The following RREB1 variants were observed in gnomAD, a reference collection of about 807,000 sequenced individuals.
The protein encoded by RREB1 is ras responsive element binding protein 1.
A neutral mutation model predicts 117.8 loss-of-function variants in RREB1; 27 were observed. That is an observed-to-expected ratio of 0.23 (90% CI 0.17 to 0.32). The LOEUF (loss-of-function observed/expected upper bound fraction) is 0.32. Among genes scored for constraint, RREB1 ranks in the 10% least tolerant of loss-of-function variants. The pLI is 1.00. For missense variants in RREB1, 2,577 were observed against 2,378.2 expected, an observed-to-expected ratio of 1.08 and a Z score of -1.74; for synonymous variants, 1,298 against 1,026.7, an observed-to-expected ratio of 1.26 and a Z score of -5.05.
intron 9 of RREB1, among the ~76,000 whole-genome samples, chr6:7,227,509 C>T (rs1267240969): frequency 6.6e-6 from 1 of 151,744 alleles, no homozygotes; most frequent in Non-Finnish European, 1.5e-5. Context: ...CCACTGCACT[C>T]CAGCCTGGGC....
At chr6:7,200,264 G>A (rs1765887797) in intron 6 of RREB1, among the ~76,000 whole-genome samples, 8 of 135,686 alleles carry the variant, frequency 5.9e-5, no homozygotes, top group Admixed American at 2.8e-4. Context: ...GTGTGTGTGT[G>A]TGTGTGTGTG....
In RREB1 at chr6:7,247,016, C is replaced by T. The variant is rs771251067; in HGVS notation, c.4566C>T (p.Leu1522=). 3 of 1,608,754 alleles carry T rather than the reference C, an allele frequency of 1.9e-6. No individual in the cohort carries two copies. Among genetic ancestry groups the T allele is most frequent in the East Asian group, 2.2e-5 (1 of 44,612 alleles). ...PGAGEAPAEK[L]AEETEGPSDG... is the part of the protein sequence containing the mutation. The stretch of plus-strand genomic sequence containing the variant: ...CCGGGGAGGCCCCGGCGGAAAAGCT[C>T]GCGGAGGAGACGGAGGGCCCCTCCG... The change falls in exon 12 of 13, where the codon CTC becomes CTT. Residue 1522 remains leucine (L), a synonymous_variant. Coordinates refer to ENST00000379938, the MANE Select transcript of RREB1 (RefSeq NM_001003699.4).
rs1769302596 is a variant in RREB1 at position 7,249,163 on chromosome 6, G to A, written c.*195G>A. ...AGCCTTACCGCAGCCTGCGCGGGAG[G>A]CCACAGCCCGTGCCGATTCCAGTGC... On this transcript the variant is annotated 3_prime_UTR_variant, in exon 13 of 13. Transcript: ENST00000379938. 3 of 529,352 alleles carry A rather than the reference G, an allele frequency of 5.7e-6. No individual in the cohort carries two copies. The highest frequency in any genetic ancestry group is 6.8e-5 in the South Asian group (2 of 29,278). 32.8% of individuals were successfully genotyped at this position (529,352 alleles called of 1,614,324 possible).
intron 4 of RREB1, among the ~76,000 whole-genome samples, chr6:7,185,867 G>A (rs1765055209): frequency 6.6e-6 from 1 of 152,148 alleles, no homozygotes; most frequent in Non-Finnish European, 1.5e-5. Context: ...TTTTAATGCT[G>A]TGCCTACCAC....
chr6:7,180,750 C>T (rs969283618), intron 2 of RREB1, among the ~76,000 whole-genome samples: 3 of 152,154 alleles, frequency 2.0e-5, no homozygotes, highest in African/African-American at 7.2e-5. Flanking sequence ...ACTGTTTTGT[C>T]TTTGGTCACT....
At chr6:7,115,944 A>C (rs1761377866) in intron 1 of RREB1, among the ~76,000 whole-genome samples, 1 of 152,138 alleles carries the variant, frequency 6.6e-6, no homozygotes, top group Non-Finnish European at 1.5e-5. Context: ...GCCCTCTGCA[A>C]AACCACACTC....
chr6:7,231,588 C>A lies in RREB1; in HGVS notation c.3489C>A (p.Pro1163=), dbSNP rs200032827. The change falls in exon 10 of 13, where the codon CCC becomes CCA. Residue 1163 remains proline, a synonymous_variant. Coordinates refer to ENST00000379938, the MANE Select transcript of RREB1 (RefSeq NM_001003699.4). ...GGAAAAGGGGGATGAGGAGCCGACC[C>A]CGCGCCAACAGCGGCGGGGTGGACC... ...RGRKRGMRSR[P]RANSGGVDLD... 21 of 1,611,800 alleles carry A rather than the reference C, an allele frequency of 1.3e-5. No homozygotes were observed. The highest frequency in any genetic ancestry group is 1.6e-5 in the Non-Finnish European group (19 of 1,179,410).
intron 1 of RREB1, among the ~76,000 whole-genome samples, chr6:7,147,600 C>A (rs1273373655): frequency 1.3e-5 from 2 of 152,122 alleles, no homozygotes; most frequent in Non-Finnish European, 2.9e-5. Context: ...TTAATTGTAC[C>A]ATCCATCCCG....
chr6:7,248,664 A>C lies in RREB1; in HGVS notation c.4925A>C (p.Asn1642Thr), dbSNP rs370008381. 13 of 1,614,040 alleles carry C rather than the reference A, an allele frequency of 8.1e-6. No individual in the cohort carries two copies. The highest frequency in any genetic ancestry group is 2.2e-5 in the East Asian group (1 of 44,886). The change falls in exon 13 of 13, where the codon AAT (asparagine) becomes ACT (threonine). Residue 1642 changes from asparagine (N) to threonine (T), a missense_variant. By Grantham distance (65) the Asn-to-Thr change is moderately conservative. Coordinates refer to ENST00000379938, the MANE Select transcript of RREB1 (RefSeq NM_001003699.4). The part of the protein sequence containing the change: ...KEERGEEDSE[N>T]ESTHSGNNAV... Reference sequence around the variant, plus strand: ...GAGCGGGGTGAGGAGGACAGCGAGAATGAGTCCACCCACAGCGGCAACAAC... The same window carrying C: ...GAGCGGGGTGAGGAGGACAGCGAGACTGAGTCCACCCACAGCGGCAACAAC...
intron 1 of RREB1, among the ~76,000 whole-genome samples, chr6:7,173,481 A>G (rs570756141): frequency 1.4e-4 from 21 of 151,526 alleles, no homozygotes; most frequent in Admixed American, 2.6e-4. Context: ...CGACAGAATG[A>G]GACTCTGTCT....
intron 6 of RREB1, among the ~76,000 whole-genome samples, chr6:7,207,869 G>A (rs1217887274): frequency 6.6e-6 from 1 of 152,184 alleles, no homozygotes; most frequent in African/African-American, 2.4e-5. Context: ...TCTCCCTTGA[G>A]GACAGATAGA....
intron 2 of RREB1, among the ~76,000 whole-genome samples, chr6:7,177,048 C>T (rs1381029408): frequency 6.6e-6 from 1 of 151,762 alleles, no homozygotes; most frequent in African/African-American, 2.4e-5. Context: ...GAAACCCTAT[C>T]TCTACTAAAA....
intron 1 of RREB1, among the ~76,000 whole-genome samples, chr6:7,147,042 A>AG (rs1762899192): frequency 6.6e-6 from 1 of 152,080 alleles, no homozygotes; most frequent in African/African-American, 2.4e-5. Context: ...TCTAACTTTG[A>AG]GAGGGTGAGC....
At chr6:7,190,671 C>T (rs939711903) in intron 6 of RREB1, among the ~76,000 whole-genome samples, 14 of 152,294 alleles carry the variant, frequency 9.2e-5, no homozygotes, top group Non-Finnish European at 1.9e-4. Context: ...TACTATTTTA[C>T]AATACAATAT....
intron 10 of RREB1, among the ~76,000 whole-genome samples, chr6:7,233,631 G>T (rs1005323056): frequency 4.6e-5 from 7 of 151,908 alleles, no homozygotes; most frequent in East Asian, 3.8e-4. Flanking sequence ...GGCATCCTGG[G>T]TTTTTTTTGT....
intron 1 of RREB1, among the ~76,000 whole-genome samples, chr6:7,158,492 C>T (rs1401560664): frequency 6.6e-6 from 1 of 152,282 alleles, no homozygotes; most frequent in East Asian, 1.9e-4. Context: ...GAGGCCCCTG[C>T]CCTTCAGCAG....
At chr6:7,176,374 G>A (rs186862233) in intron 1 of RREB1, among the ~76,000 whole-genome samples, 4 of 152,268 alleles carry the variant, frequency 2.6e-5, no homozygotes, top group African/African-American at 4.8e-5. Context: ...CCAGTGGTCC[G>A]AGCCATTCTC....
At chr6:7,202,151 TC>T (rs1052237844) in intron 6 of RREB1, among the ~76,000 whole-genome samples, 7 of 152,190 alleles carry the variant, frequency 4.6e-5, no homozygotes, top group Admixed American at 4.6e-4. Context: ...TGGGTGGCTT[TC>T]CTTTTTCACT....
At chr6:7,172,036 C>G (rs193152162) in intron 1 of RREB1, among the ~76,000 whole-genome samples, 111 of 151,952 alleles carry the variant, frequency 7.3e-4, no homozygotes, top group African/African-American at 2.6e-3. Flanking sequence ...GCTTCGCACT[C>G]CTGGGCTCAT....
Sources: gnomAD v4.1 joint callset for allele counts (sites outside exome capture counted in the v4.1 genomes callset) on GRCh38, gnomAD v4.1.1 for gene constraint, MANE v1.5 for transcripts, NCBI Gene and HGNC (gene_info 2026-07-23, HGNC 2026-07-21) for gene names.